Variants in DELE1 observed in about 807,000 individuals in gnomAD.
The protein encoded by DELE1 is death ligand signal enhancer.
Under a neutral mutation model 59.3 loss-of-function variants are expected in DELE1, and 54 were observed. The observed-to-expected ratio is 0.91, with a 90% CI of 0.73 to 1.14. The LOEUF is 1.14. Ranked by LOEUF, DELE1 falls within the 50% of genes most tolerant of loss-of-function variation. The pLI, the probability that DELE1 is intolerant of heterozygous loss-of-function variation, is 0.00. For synonymous variants in DELE1, 264 were observed against 259.1 expected (o/e 1.02, Z -0.18); for missense variants, 636 against 643.9 (o/e 0.99, Z 0.13).
chr5:141,924,745 T>A, intron 2 of DELE1, 50 bp downstream of exon 2: 1 of 1,192,192 alleles, frequency 8.4e-7, no homozygotes, highest in East Asian at 2.4e-5. Context: ...TCACCCTTTT[T>A]TTTTATTTTT....
Position 141,939,649 on chromosome 5 carries a change from T to TC in DELE1, c.*895dup, listed in dbSNP as rs1752622873. The TC allele has an allele frequency of 4.1e-6, 4 of 985,650 alleles. No individual in the cohort carries two copies. Among genetic ancestry groups the TC allele is most frequent in the African/African-American group, 1.7e-5 (1 of 57,246 alleles). 61.1% of individuals were successfully genotyped at this position (985,650 alleles called of 1,614,324 possible). On this transcript the variant is annotated 3_prime_UTR_variant, in exon 12 of 12. Transcript: ENST00000432126. The stretch of plus-strand genomic sequence containing the variant: ...GAAGAGGCCAGATACCCACCCACCT[T>TC]CCCCCAAATCTTAAGCACCTGCGCC...
Position 141,929,803 on chromosome 5 carries a change from T to C in DELE1, c.571+63T>C, listed in dbSNP as rs756216202. On this transcript the variant is annotated intron_variant, in intron 5 of 11. Transcript: ENST00000432126. ...GGCGGTGGTGGTGAGCTGGGCAAGA[T>C]GGACGTTGTTTGCTGCGAAGGGAAT... 121 of 1,593,278 alleles carry C rather than the reference T, an allele frequency of 7.6e-5. 1 individual carries two copies. The highest frequency in any genetic ancestry group is 1.7e-4 in the Middle Eastern group (1 of 5,934).
intron 5 of DELE1, 79 bp downstream of exon 5, chr5:141,929,819 C>T (rs908042027): frequency 2.0e-5 from 32 of 1,570,550 alleles, no homozygotes; most frequent in East Asian, 4.6e-5. Flanking sequence ...TTGTTTGCTG[C>T]GAAGGGAATT....
chr5:141,925,176 G>A (rs938671110), intron 2 of DELE1, among the ~76,000 whole-genome samples: 9 of 151,932 alleles, frequency 5.9e-5, no homozygotes, highest in Admixed American at 2.6e-4. Context: ...TGATCTGCCC[G>A]CCTCAGCCTC....
At chr5:141,934,666 C>T (rs1752221337) in intron 10 of DELE1, 80 bp downstream of exon 10, 1 of 1,345,884 alleles carries the variant, frequency 7.4e-7, no homozygotes, top group Admixed American at 1.7e-5. Context: ...CTGAGTTCTT[C>T]TGTGCTTAGG....
In DELE1 at chr5:141,924,620, C is replaced by T. The variant is rs748524500; in HGVS notation, c.71C>T (p.Thr24Ile). ...RTLGPSLWRV[T>I]PKSTSPDGPQ... ...CTGGGACCTAGCCTCTGGAGGGTGA[C>T]TCCTAAGTCCACCAGCCCAGATGGG... Residue 24 changes from threonine to isoleucine, a missense_variant, in exon 2 of 12, where the codon ACT becomes ATT. Physicochemically the swap from Thr to Ile is moderately conservative, Grantham distance 89. Transcript: ENST00000432126. The T allele has an allele frequency of 1.9e-6, 3 of 1,614,086 alleles. No homozygotes were observed. The highest frequency in any genetic ancestry group is 2.5e-6 in the Non-Finnish European group (3 of 1,179,910).
intron 11 of DELE1, among the ~76,000 whole-genome samples, chr5:141,938,089 G>C (rs1752514099): frequency 6.6e-6 from 1 of 151,988 alleles, no homozygotes; most frequent in Admixed American, 6.6e-5. Flanking sequence ...GCCTCCCAAA[G>C]TGCTGGGATT....
At position 141,924,611 on chromosome 5, in the gene DELE1, G is replaced by A. The variant is rs137872973; in HGVS notation, c.62G>A (p.Trp21Ter). The A allele has an allele frequency of 3.6e-4, 576 of 1,613,898 alleles. No homozygotes were observed. The highest frequency in any genetic ancestry group is 1.2e-3 in the African/African-American group (91 of 75,034). Residue 21 changes from tryptophan (W) to a stop codon, truncating the protein, a stop_gained, in exon 2 of 12, where the codon TGG (tryptophan) becomes TAG (stop). Coordinates refer to ENST00000432126, the MANE Select transcript of DELE1 (RefSeq NM_014773.5). LOFTEE classifies it high-confidence loss of function. ...CCCCGTACACTGGGACCTAGCCTCTGGAGGGTGACTCCTAAGTCCACCAGC... is the reference window on the plus strand; with the variant it reads ...CCCCGTACACTGGGACCTAGCCTCTAGAGGGTGACTCCTAAGTCCACCAGC... ...ALPRTLGPSL[W>*]RVTPKSTSPD...
At chr5:141,938,355 C>T (rs1752530837) in intron 11 of DELE1, among the ~76,000 whole-genome samples, 166 bp from the exon 12 acceptor site, 1 of 152,104 alleles carries the variant, frequency 6.6e-6, no homozygotes, top group Non-Finnish European at 1.5e-5. Flanking sequence ...CCCAAGGTTG[C>T]CTGAATTACC....
chr5:141,930,511 C>T (rs946787623), intron 7 of DELE1, among the ~76,000 whole-genome samples: 6 of 152,224 alleles, frequency 3.9e-5, no homozygotes, highest in Non-Finnish European at 5.9e-5. Context: ...GCCCTCCTGT[C>T]CGTATTCTAG....
At position 141,940,439 on chromosome 5, in the gene DELE1, C is replaced by G; in HGVS notation, c.*1680C>G. 1 of 971,486 alleles carries G rather than the reference C, an allele frequency of 1.0e-6. No individual in the cohort carries two copies. The highest frequency in any genetic ancestry group is 1.2e-6 in the Non-Finnish European group (1 of 817,630). The allele number at this position is 971,486 out of a possible 1,614,324, so 60.2% of individuals were successfully genotyped here. On this transcript the variant is annotated 3_prime_UTR_variant, in exon 12 of 12. Coordinates refer to ENST00000432126, the MANE Select transcript of DELE1 (RefSeq NM_014773.5). ...CTGGGAGGGATAGAGAGCCCACCGC[C>G]CACCCCCCACAATCCCATGACTGAG... is the stretch of plus-strand genomic sequence containing the variant.
chr5:141,926,364 A>G (rs1751421983), intron 3 of DELE1, among the ~76,000 whole-genome samples: 1 of 152,118 alleles, frequency 6.6e-6, no homozygotes, highest in African/African-American at 2.4e-5. Flanking sequence ...TCTGGAGTTC[A>G]TGTTCTACTG....
At chr5:141,932,421 C>T (rs1340637500) in intron 7 of DELE1, among the ~76,000 whole-genome samples, 2 of 152,142 alleles carry the variant, frequency 1.3e-5, no homozygotes, top group African/African-American at 4.8e-5. Context: ...TTATGAGCAA[C>T]CTAAACCCAC....
At chr5:141,934,177 C>G (rs1376474889) in intron 8 of DELE1, 63 bp from the exon 9 acceptor site, 2 of 1,406,386 alleles carry the variant, frequency 1.4e-6, no homozygotes, top group Non-Finnish European at 1.9e-6. Context: ...TTAAAAATTT[C>G]ACTGAGTGCA....
At chr5:141,927,186 T>C (rs903848323) in intron 3 of DELE1, among the ~76,000 whole-genome samples, 3 of 152,258 alleles carry the variant, frequency 2.0e-5, no homozygotes, top group Admixed American at 2.0e-4. Flanking sequence ...TTACTTGCTA[T>C]TGTATGCAGT....
At chr5:141,926,673 A>G (rs568363438) in intron 3 of DELE1, among the ~76,000 whole-genome samples, 1 of 152,366 alleles carries the variant, frequency 6.6e-6, no homozygotes, top group East Asian at 1.9e-4. Context: ...AATTGGTGTC[A>G]TCAGCAGAGC....
In DELE1 at chr5:141,940,878, A is replaced by C; in HGVS notation, c.*2119A>C. 1.0e-6 allele frequency: 1 copy of C among 985,360 alleles called. No homozygotes were observed. Among genetic ancestry groups the C allele is most frequent in the Non-Finnish European group, 1.2e-6 (1 of 829,882 alleles). 61.0% of individuals were successfully genotyped at this position (985,360 alleles called of 1,614,324 possible). ...CTCTCTGCCAAAAAACAAACAAAAAAAGGTTTCTGTGGTTAAATAAGTTTG... is the reference window on the plus strand; with the variant it reads ...CTCTCTGCCAAAAAACAAACAAAAACAGGTTTCTGTGGTTAAATAAGTTTG... On this transcript the variant is annotated 3_prime_UTR_variant, in exon 12 of 12. Coordinates refer to ENST00000432126, the MANE Select transcript of DELE1 (RefSeq NM_014773.5).
chr5:141,929,141 T>A (rs1751668936), intron 4 of DELE1, among the ~76,000 whole-genome samples: 2 of 152,102 alleles, frequency 1.3e-5, no homozygotes, highest in Non-Finnish European at 2.9e-5. Flanking sequence ...AGGAGGAGTG[T>A]GAAGGAAGTG....
intron 8 of DELE1, 126 bp downstream of exon 8, chr5:141,933,527 G>T (rs966176970): frequency 1.5e-6 from 1 of 646,618 alleles, no homozygotes. Flanking sequence ...GCCCAGCTGC[G>T]AAGGAAAAAT....
Sources: allele counts gnomAD v4.1 joint callset (sites outside exome capture counted in the v4.1 genomes callset), GRCh38; gene constraint gnomAD v4.1.1; transcripts MANE v1.5; gene names NCBI Gene and HGNC (gene_info 2026-07-23, HGNC 2026-07-21).